The following FRAS1 variants were observed in gnomAD, a reference collection of about 807,000 sequenced individuals.
FRAS1 encodes the protein Fraser extracellular matrix complex subunit 1.
In FRAS1, 290 loss-of-function variants were observed where a neutral mutation model predicts 435.2. The ratio of observed to expected loss-of-function variants is 0.67; its 90% confidence interval spans 0.61 to 0.73. The LOEUF is 0.73. Among genes scored for constraint, FRAS1 ranks in the 30% least tolerant of loss-of-function variants. The pLI is 0.00. For synonymous variants in FRAS1, 1,800 were observed against 1,851.0 expected, an observed-to-expected ratio of 0.97 and a Z score of 0.71; for missense variants, 4,860 against 5,001.5, an observed-to-expected ratio of 0.97 and a Z score of 0.85.
Position 78,317,371 on chromosome 4 carries a change from G to T in FRAS1, c.1823G>T (p.Cys608Phe). The T allele has an allele frequency of 6.2e-7, 1 of 1,613,832 alleles. No individual in the cohort carries two copies. Among genetic ancestry groups the T allele is most frequent in the Non-Finnish European group, 8.5e-7 (1 of 1,179,846 alleles). Residue 608 changes from cysteine (C) to phenylalanine (F), a missense_variant, in exon 17 of 74, where the codon TGT becomes TTT. Transcript: ENST00000512123. ...TCCCTCTCACTCTCTTCCTCAGTTT[G>T]TCATAACTCATGTGCCAGCTGCTCT... ...YADATGRCKV[C>F]HNSCASCSGP... is the part of the protein sequence containing the mutation.
intron 14 of FRAS1, among the ~76,000 whole-genome samples, chr4:78,306,786 T>A (rs993896033): frequency 6.6e-6 from 1 of 152,166 alleles, no homozygotes; most frequent in African/African-American, 2.4e-5. Context: ...TTCAAAGTTT[T>A]CAACTTCTTT....
At chr4:78,129,130 C>T (rs1719547283) in intron 2 of FRAS1, among the ~76,000 whole-genome samples, 1 of 152,138 alleles carries the variant, frequency 6.6e-6, no homozygotes, top group African/African-American at 2.4e-5. Flanking sequence ...GTTTTGGTAC[C>T]AGTAGCATGC....
At chr4:78,326,717 C>T (rs1428922965) in intron 18 of FRAS1, among the ~76,000 whole-genome samples, 1 of 151,952 alleles carries the variant, frequency 6.6e-6, no homozygotes, top group Non-Finnish European at 1.5e-5. Context: ...AAAGTTTGCC[C>T]AAGAGTAAGA....
At chr4:78,486,812 T>C (rs1720182682) in intron 58 of FRAS1, among the ~76,000 whole-genome samples, 1 of 143,854 alleles carries the variant, frequency 7.0e-6, no homozygotes, top group Non-Finnish European at 1.5e-5. Flanking sequence ...CCACTGCCTT[T>C]TCTCTTTCTC....
intron 4 of FRAS1, among the ~76,000 whole-genome samples, chr4:78,247,579 A>G (rs1402220412): frequency 6.6e-6 from 1 of 151,992 alleles, no homozygotes; most frequent in Non-Finnish European, 1.5e-5. Flanking sequence ...TCCTTAGTGC[A>G]TTAATTTTCT....
chr4:78,488,625 T>C (rs895195505), intron 58 of FRAS1, among the ~76,000 whole-genome samples: 1 of 152,212 alleles, frequency 6.6e-6, no homozygotes, highest in Admixed American at 6.5e-5. Flanking sequence ...ATTTTGAAGT[T>C]GTACAAAGAT....
At chr4:78,059,467 ATATAACTT>A (rs960195882) in intron 1 of FRAS1, among the ~76,000 whole-genome samples, 4 of 151,788 alleles carry the variant, frequency 2.6e-5, no homozygotes, top group Admixed American at 2.0e-4. Flanking sequence ...TCCTGTAGAA[ATATAACTT>A]TATTGTTTAT....
chr4:78,167,676 G>T (rs1177849902), intron 2 of FRAS1, among the ~76,000 whole-genome samples: 1 of 152,028 alleles, frequency 6.6e-6, no homozygotes, highest in Admixed American at 6.5e-5. Context: ...TAGGAAAACT[G>T]AGGCACAGAT....
chr4:78,217,416 T>TG (rs1486462732), intron 2 of FRAS1, among the ~76,000 whole-genome samples: 1 of 152,076 alleles, frequency 6.6e-6, no homozygotes. Context: ...GCAAAGTTGT[T>TG]GGGGGGCATG....
chr4:78,159,198 A>G (rs527689410), intron 2 of FRAS1, among the ~76,000 whole-genome samples: 4 of 152,326 alleles, frequency 2.6e-5, no homozygotes, highest in Admixed American at 6.5e-5. Context: ...GAGAAAAGCT[A>G]TCAAATTGGA....
At chr4:78,120,422 T>C (rs1478216929) in intron 2 of FRAS1, among the ~76,000 whole-genome samples, 1 of 152,204 alleles carries the variant, frequency 6.6e-6, no homozygotes, top group African/African-American at 2.4e-5. Context: ...TCTGAGATTA[T>C]CAAAATACCT....
intron 12 of FRAS1, 62 bp from the exon 13 acceptor site, chr4:78,284,343 G>T: frequency 6.7e-7 from 1 of 1,495,448 alleles, no homozygotes; most frequent in African/African-American, 1.4e-5. Context: ...TTTTCTGAAG[G>T]ATGTAAGAGA....
chr4:78,431,519 C>A (rs1734221600), intron 37 of FRAS1, among the ~76,000 whole-genome samples: 1 of 152,102 alleles, frequency 6.6e-6, no homozygotes, highest in Admixed American at 6.5e-5. Flanking sequence ...TGAGTAAATT[C>A]TTCAATCTCA....
chr4:78,522,843 C>CCTG, intron 69 of FRAS1, 35 bp downstream of exon 69: 1 of 1,526,372 alleles, frequency 6.6e-7, no homozygotes. Flanking sequence ...ATGGGTAGAG[C>CCTG]TGAATGGTTT....
chr4:78,400,586 A>G (rs1732844646), intron 29 of FRAS1, 148 bp from the exon 30 acceptor site: 1 of 672,468 alleles, frequency 1.5e-6, no homozygotes, highest in Non-Finnish European at 2.4e-6. Flanking sequence ...CACATAATAC[A>G]AAGTCTATAG....
At chr4:78,120,964 C>T (rs905079641) in intron 2 of FRAS1, among the ~76,000 whole-genome samples, 1 of 152,142 alleles carries the variant, frequency 6.6e-6, no homozygotes, top group Non-Finnish European at 1.5e-5. Context: ...AGCTTCTTAA[C>T]CCCAACACAA....
intron 58 of FRAS1, among the ~76,000 whole-genome samples, chr4:78,482,956 C>T (rs2109860428): frequency 6.6e-6 from 1 of 152,308 alleles, no homozygotes; most frequent in East Asian, 1.9e-4. Context: ...GCAGAGTCTT[C>T]AGGTGTGATA....
intron 2 of FRAS1, among the ~76,000 whole-genome samples, chr4:78,083,900 C>T (rs1247319533): frequency 6.6e-6 from 1 of 152,022 alleles, no homozygotes; most frequent in Admixed American, 6.6e-5. Flanking sequence ...TTAGATGGAG[C>T]TATAATCCAT....
chr4:78,332,859 A>G (rs1267120512), intron 18 of FRAS1, among the ~76,000 whole-genome samples: 1 of 152,212 alleles, frequency 6.6e-6, no homozygotes, highest in African/African-American at 2.4e-5. Flanking sequence ...TGTGAAATCA[A>G]TAAGTGAAGC....
Sources: allele counts gnomAD v4.1 joint callset (sites outside exome capture counted in the v4.1 genomes callset), GRCh38; gene constraint gnomAD v4.1.1; transcripts MANE v1.5; gene names NCBI Gene and HGNC (gene_info 2026-07-23, HGNC 2026-07-21).